NIPBL: variants seen among roughly 807,000 people sequenced by gnomAD.
The protein encoded by NIPBL is nipped-B-like protein.
Under a neutral mutation model 321.8 loss-of-function variants are expected in NIPBL, and 19 were observed. The ratio of observed to expected loss-of-function variants is 0.06; its 90% CI spans 0.04 to 0.09. The LOEUF is 0.09. NIPBL is among the 10% of genes least tolerant of loss of function. The pLI is 1.00. For synonymous variants in NIPBL, 1,106 were observed against 1,114.1 expected, an observed-to-expected ratio of 0.99 and a Z score of 0.14; for missense variants, 2,210 against 3,327.0, an observed-to-expected ratio of 0.66 and a Z score of 8.26.
chr5:37,021,137 A>G (rs1487979131), intron 27 of NIPBL, among the ~76,000 whole-genome samples: 1 of 152,204 alleles, frequency 6.6e-6, no homozygotes, highest in Non-Finnish European at 1.5e-5. Context: ...CGTCTCTACT[A>G]AAAATACAAA....
rs1304420047 is a variant in NIPBL, at chr5:37,008,864, G to A, written c.4421+141G>A. 6.2e-6 allele frequency: 4 copies of A among 641,628 alleles called. No homozygotes were observed. The East Asian group carries it at 1.1e-4, about 18-fold the overall frequency. 39.7% of individuals were successfully genotyped at this position (641,628 alleles called of 1,614,324 possible). ...TTACATCAGAACAGCATGAAAAATA[G>A]ATGTGTGAAATAACATGGCATATTT... On this transcript the variant is annotated intron_variant, in intron 20 of 46. Transcript: ENST00000282516.
intron 1 of NIPBL, among the ~76,000 whole-genome samples, chr5:36,904,086 A>C (rs1747439029): frequency 1.3e-5 from 2 of 152,250 alleles, no homozygotes; most frequent in Admixed American, 1.3e-4. Context: ...AGATAATATA[A>C]ATAGAAGTGC....
intron 1 of NIPBL, among the ~76,000 whole-genome samples, chr5:36,952,648 G>A (rs186535662): frequency 6.6e-6 from 1 of 152,310 alleles, no homozygotes; most frequent in East Asian, 1.9e-4. Context: ...TTCTGTGTGT[G>A]AAGAGAGAGA....
intron 43 of NIPBL, among the ~76,000 whole-genome samples, chr5:37,057,984 G>A (rs551939512): frequency 3.5e-4 from 53 of 152,260 alleles, no homozygotes; most frequent in African/African-American, 1.2e-3. Context: ...TTATAAAATT[G>A]TATTGCTCAC....
intron 1 of NIPBL, among the ~76,000 whole-genome samples, chr5:36,913,631 C>T (rs1270549590): frequency 6.6e-6 from 1 of 152,104 alleles, no homozygotes; most frequent in African/African-American, 2.4e-5. Context: ...CCTCAGCCTC[C>T]CAAAGTGCTG....
chr5:36,928,364 A>C (rs1270714849), intron 1 of NIPBL, among the ~76,000 whole-genome samples: 1 of 152,220 alleles, frequency 6.6e-6, no homozygotes, highest in Non-Finnish European at 1.5e-5. Flanking sequence ...AGAGCTAATT[A>C]ATACAACCAA....
At chr5:36,998,503 G>A (rs996777283) in intron 11 of NIPBL, among the ~76,000 whole-genome samples, 1 of 151,968 alleles carries the variant, frequency 6.6e-6, no homozygotes, top group African/African-American at 2.4e-5. Context: ...ACTAAAGCAG[G>A]TCATATTCAA....
intron 6 of NIPBL, among the ~76,000 whole-genome samples, chr5:36,969,496 A>G (rs923266895): frequency 2.6e-5 from 4 of 152,208 alleles, no homozygotes; most frequent in Admixed American, 6.5e-5. Context: ...ATATGGCATT[A>G]TATCTTAATG....
chr5:36,898,657 A>T (rs1297717620), intron 1 of NIPBL, among the ~76,000 whole-genome samples: 1 of 152,000 alleles, frequency 6.6e-6, no homozygotes, highest in Non-Finnish European at 1.5e-5. Flanking sequence ...GATTACAGGC[A>T]TGCGCCATCA....
chr5:36,945,160 C>T (rs1739525533), intron 1 of NIPBL, among the ~76,000 whole-genome samples: 1 of 152,036 alleles, frequency 6.6e-6, no homozygotes, highest in Non-Finnish European at 1.5e-5. Context: ...TCCTCCGTAG[C>T]CTCTATGTAA....
chr5:36,990,854 A>G (rs985677293), intron 10 of NIPBL, among the ~76,000 whole-genome samples: 4 of 152,110 alleles, frequency 2.6e-5, no homozygotes, highest in Non-Finnish European at 5.9e-5. Context: ...CCAAAGACAT[A>G]GTTTCTATAG....
intron 10 of NIPBL, among the ~76,000 whole-genome samples, chr5:36,992,977 G>A (rs1442949746): frequency 4.0e-5 from 6 of 151,830 alleles, no homozygotes; most frequent in African/African-American, 9.7e-5. Flanking sequence ...TCCTGACCTC[G>A]TGATCCACCC....
chr5:37,005,171 A>G (rs1307659031), intron 16 of NIPBL, among the ~76,000 whole-genome samples: 1 of 152,226 alleles, frequency 6.6e-6, no homozygotes, highest in Non-Finnish European at 1.5e-5. Flanking sequence ...AGGGAAGCCA[A>G]AAGATTGGAC....
chr5:37,005,849 A>G (rs549133224), intron 16 of NIPBL, among the ~76,000 whole-genome samples: 2 of 152,154 alleles, frequency 1.3e-5, no homozygotes, highest in East Asian at 1.9e-4. Context: ...ATTAGTCTGC[A>G]TATTACTACT....
intron 10 of NIPBL, among the ~76,000 whole-genome samples, chr5:36,988,334 G>A (rs1391038804): frequency 6.6e-6 from 1 of 152,028 alleles, no homozygotes; most frequent in Non-Finnish European, 1.5e-5. Context: ...TGATGTGTGT[G>A]TATGTGTACA....
At chr5:36,983,903 A>G (rs1160362630) in intron 9 of NIPBL, among the ~76,000 whole-genome samples, 1 of 152,046 alleles carries the variant, frequency 6.6e-6, no homozygotes, top group Non-Finnish European at 1.5e-5. Context: ...TATATCGAAG[A>G]GTAGGAACTG....
intron 7 of NIPBL, chr5:36,971,707 C>A: frequency 1.9e-6 from 1 of 521,882 alleles, no homozygotes; most frequent in Non-Finnish European, 2.5e-6. Context: ...AAAAATGGAG[C>A]ATACTAGTAA....
At chr5:37,042,984 A>T (rs1752599431) in intron 34 of NIPBL, among the ~76,000 whole-genome samples, 1 of 151,912 alleles carries the variant, frequency 6.6e-6, no homozygotes, top group Non-Finnish European at 1.5e-5. Context: ...TAGAAACAAG[A>T]CTTTTTATTG....
chr5:36,938,992 C>T (rs1174301535), intron 1 of NIPBL, among the ~76,000 whole-genome samples: 1 of 152,056 alleles, frequency 6.6e-6, no homozygotes, highest in Non-Finnish European at 1.5e-5. Context: ...CTCTTCATAA[C>T]CACACCTGCG....
Sources: allele counts gnomAD v4.1 joint callset (sites outside exome capture counted in the v4.1 genomes callset), GRCh38; gene constraint gnomAD v4.1.1; transcripts MANE v1.5; gene names NCBI Gene and HGNC (gene_info 2026-07-23, HGNC 2026-07-21).